Variants in KLF13 observed in about 807,000 individuals in gnomAD.
KLF13 encodes KLF transcription factor 13.
Under a neutral mutation model 16.7 loss-of-function variants are expected in KLF13, and 8 were observed. That is an observed-to-expected ratio of 0.48 (90% CI 0.28 to 0.87). The LOEUF is 0.87. KLF13 is among the 40% of genes least tolerant of loss of function. The pLI is 0.10. For synonymous variants in KLF13, 245 were observed against 208.4 expected, an observed-to-expected ratio of 1.18 and a Z score of -1.51; for missense variants, 447 against 452.2, an observed-to-expected ratio of 0.99 and a Z score of 0.10.
intron 1 of KLF13, among the ~76,000 whole-genome samples, chr15:31,413,550 G>A (rs979262919): frequency 2.0e-5 from 3 of 151,984 alleles, no homozygotes; most frequent in Non-Finnish European, 2.9e-5. Flanking sequence ...AGGTCAGAAG[G>A]CAGTGAAATA....
rs2040181317 is a variant in KLF13 at position 31,410,608 on chromosome 15, CA to C, written n.117+16918del. On this transcript the variant is annotated intron_variant and non_coding_transcript_variant, in intron 1 of 1. Transcript: ENST00000558225. Reference sequence around the variant, plus strand: ...ACACACACACACACACACACACACACACACACACACACACACACCCCTATAA... The same window carrying C: ...ACACACACACACACACACACACACACCACACACACACACACACCCCTATAA... Among the ~76,000 whole-genome samples the C allele has an allele frequency of 2.7e-4, 41 of 151,346 alleles. 1 individual carries two copies. The highest frequency in any genetic ancestry group is 2.2e-3 in the Admixed American group (33 of 15,124).
intron 2 of KLF13, among the ~76,000 whole-genome samples, chr15:31,394,812 C>T (rs1272226794): frequency 1.3e-5 from 2 of 152,254 alleles, no homozygotes; most frequent in South Asian, 2.1e-4. Flanking sequence ...CCGATATTCC[C>T]CCATTTTCCC....
chr15:31,406,454 A>G (rs534503023), downstream of KLF13, among the ~76,000 whole-genome samples: 1 of 152,274 alleles, frequency 6.6e-6, no homozygotes, highest in South Asian at 2.1e-4. Flanking sequence ...GCAAGATTAC[A>G]CCACTGTGCT....
downstream of KLF13, among the ~76,000 whole-genome samples, chr15:31,407,470 T>C (rs2040143112): frequency 6.6e-6 from 1 of 152,184 alleles, no homozygotes; most frequent in Non-Finnish European, 1.5e-5. Context: ...CCTTCAAGGC[T>C]GGAGGGAAAA....
downstream of KLF13, among the ~76,000 whole-genome samples, chr15:31,379,484 T>A (rs2039697644): frequency 6.6e-6 from 1 of 152,116 alleles, no homozygotes; most frequent in Non-Finnish European, 1.5e-5. Flanking sequence ...CTGCTGAGAT[T>A]TGAAACCCCT....
intron 1 of KLF13, among the ~76,000 whole-genome samples, chr15:31,422,807 G>A (rs1484589753): frequency 6.6e-6 from 1 of 151,962 alleles, no homozygotes; most frequent in East Asian, 1.9e-4. Flanking sequence ...GGCTGAGGTG[G>A]GCTGATCACC....
intron 1 of KLF13, among the ~76,000 whole-genome samples, chr15:31,363,958 C>T (rs1036876654): frequency 5.9e-5 from 9 of 152,274 alleles, no homozygotes; most frequent in African/African-American, 1.9e-4. Flanking sequence ...CAGATGCTAC[C>T]GAAGTGTCCT....
At chr15:31,339,058 C>T (rs942058165) in intron 1 of KLF13, among the ~76,000 whole-genome samples, 23 of 152,034 alleles carry the variant, frequency 1.5e-4, no homozygotes, top group Admixed American at 1.2e-3. Flanking sequence ...GATGCCCTGG[C>T]GGCCTGTCCC....
At chr15:31,344,486 G>A (rs1447272250) in intron 1 of KLF13, among the ~76,000 whole-genome samples, 1 of 152,224 alleles carries the variant, frequency 6.6e-6, no homozygotes, top group Non-Finnish European at 1.5e-5. Flanking sequence ...GCCTTGGCTG[G>A]TGGCCTTTGG....
At chr15:31,413,339 A>C (rs775227807) in intron 1 of KLF13, among the ~76,000 whole-genome samples, 5 of 152,200 alleles carry the variant, frequency 3.3e-5, no homozygotes, top group Non-Finnish European at 5.9e-5. Context: ...AAACTTCTCA[A>C]ATTTATTGAA....
At chr15:31,337,640 A>C (rs1011319593) in intron 1 of KLF13, among the ~76,000 whole-genome samples, 11 of 152,252 alleles carry the variant, frequency 7.2e-5, no homozygotes, top group African/African-American at 2.7e-4. Flanking sequence ...TCTAGGCTGC[A>C]AGCCGGTACA....
chr15:31,389,985 G>A (rs557053640), upstream of KLF13, among the ~76,000 whole-genome samples: 2 of 152,298 alleles, frequency 1.3e-5, no homozygotes, highest in South Asian at 4.1e-4. Flanking sequence ...TCCTATGTTA[G>A]TTTGCTTTAC....
intron 1 of KLF13, among the ~76,000 whole-genome samples, chr15:31,417,136 T>C (rs2040264529): frequency 6.6e-6 from 1 of 152,210 alleles, no homozygotes; most frequent in Non-Finnish European, 1.5e-5. Context: ...AATCACAAGA[T>C]GCTGACCCCT....
intron 1 of KLF13, among the ~76,000 whole-genome samples, chr15:31,383,116 A>C (rs1187997898): frequency 1.3e-5 from 2 of 152,226 alleles, no homozygotes; most frequent in African/African-American, 4.8e-5. Context: ...CCTCATCTCA[A>C]CACCAGCAAC....
At chr15:31,435,096 C>T (rs905431421) in intron 1 of KLF13, among the ~76,000 whole-genome samples, 5 of 152,172 alleles carry the variant, frequency 3.3e-5, no homozygotes, top group Non-Finnish European at 7.4e-5. Flanking sequence ...CGCTAAGGGA[C>T]GGGGCGGGTG....
At chr15:31,391,491 C>A (rs8025401), upstream of KLF13, among the ~76,000 whole-genome samples, 4,333 of 151,378 alleles carry the variant, frequency 0.029, 204 homozygotes, top group African/African-American at 0.1. Context: ...GTCTGCTCGC[C>A]GCATTTTAAC....
chr15:31,327,923 C>T (rs2038748000), intron 1 of KLF13, 134 bp downstream of exon 1: 27 of 1,037,984 alleles, frequency 2.6e-5, no homozygotes, highest in Non-Finnish European at 3.1e-5. Context: ...CTCGCCCCTT[C>T]CCCTGCCGCT....
intron 1 of KLF13, chr15:31,420,579 A>G (rs1021087374): frequency 2.1e-6 from 1 of 465,314 alleles, no homozygotes; most frequent in African/African-American, 2.0e-5. Context: ...TTGAACATGC[A>G]TGCTGTTGAG....
At chr15:31,420,526 C>T (rs962475957) in intron 1 of KLF13, 1 of 571,148 alleles carries the variant, frequency 1.8e-6, no homozygotes, top group Non-Finnish European at 3.3e-6. Flanking sequence ...CCATTCTGGT[C>T]TCCATCCAGA....
Sources: gnomAD v4.1 joint callset for allele counts (sites outside exome capture counted in the v4.1 genomes callset) on GRCh38, gnomAD v4.1.1 for gene constraint, MANE v1.5 for transcripts, NCBI Gene and HGNC (gene_info 2026-07-23, HGNC 2026-07-21) for gene names.